The following SFI1 variants were observed in gnomAD, a reference collection of about 807,000 sequenced individuals.
SFI1 encodes SFI1 centrin binding protein.
In SFI1, 195 loss-of-function variants were observed where a neutral mutation model predicts 207.5. That is an observed-to-expected ratio of 0.94 (90% confidence interval 0.84 to 1.06). The LOEUF (loss-of-function observed/expected upper bound fraction) is 1.06, where lower values mean the gene tolerates loss of function less well. Among genes scored for constraint, SFI1 ranks in the 50% least tolerant of loss-of-function variants. The probability of loss-of-function intolerance (pLI) is 0.00; values close to 1 mark genes in which losing one functional copy is unlikely to be tolerated. For missense variants in SFI1, 1,634 were observed against 1,588.0 expected (o/e 1.03, Z -0.49); for synonymous variants, 630 against 598.9 (o/e 1.05, Z -0.76).
At chr22:31,504,725 C>T (rs2054354648) in intron 1 of SFI1, among the ~76,000 whole-genome samples, 1 of 152,160 alleles carries the variant, frequency 6.6e-6, no homozygotes, top group South Asian at 2.1e-4. Context: ...CCATGCCTTT[C>T]TCTTAGCTTC....
At chr22:31,525,099 T>C (rs1466542885) in intron 2 of SFI1, among the ~76,000 whole-genome samples, 2 of 152,174 alleles carry the variant, frequency 1.3e-5, no homozygotes, top group South Asian at 2.1e-4. Flanking sequence ...CAGCCTGTAA[T>C]CTCATTCTAT....
Position 31,611,774 on chromosome 22 carries a change from C to G in SFI1, c.2424C>G (p.His808Gln). ...HLQCVRKRLL[H>Q]RQSTQLLAQR... ...CACTTGCTCTCCCCCAGCTCCTGCA[C>G]AGGCAGAGCACCCAACTGCTGGCAC... Residue 808 changes from histidine (H) to glutamine (Q), a missense_variant, in exon 24 of 33, where the codon CAC (histidine) becomes CAG (glutamine). Transcript: ENST00000400288. 6.2e-7 allele frequency: 1 copy of G among 1,613,486 alleles called. No homozygotes were observed. Among genetic ancestry groups the G allele is most frequent in the Non-Finnish European group, 8.5e-7 (1 of 1,179,950 alleles).
chr22:31,538,921 C>T (rs1004273880), intron 4 of SFI1, among the ~76,000 whole-genome samples: 3 of 152,148 alleles, frequency 2.0e-5, no homozygotes, highest in Non-Finnish European at 2.9e-5. Flanking sequence ...TGCCTTGAAA[C>T]TCTGGACTTT....
At chr22:31,580,915 T>G (rs1464463336) in intron 12 of SFI1, among the ~76,000 whole-genome samples, 2 of 152,208 alleles carry the variant, frequency 1.3e-5, no homozygotes, top group Non-Finnish European at 2.9e-5. Flanking sequence ...TTTTTTTATC[T>G]ATTTGCCAAG....
chr22:31,576,598 G>A (rs989700763), intron 10 of SFI1, among the ~76,000 whole-genome samples: 21 of 151,932 alleles, frequency 1.4e-4, no homozygotes, highest in Middle Eastern at 3.2e-3. Flanking sequence ...TGGGATTACC[G>A]GCGTGAGCCA....
Position 31,617,082 on chromosome 22 carries a change from AGCCCTGCGAAAC to A in SFI1, c.3512+12_3512+23del. The A allele has an allele frequency of 1.2e-6, 2 of 1,613,818 alleles. No individual in the cohort carries two copies. Among genetic ancestry groups the A allele is most frequent in the Non-Finnish European group, 8.5e-7 (1 of 1,179,928 alleles). ...AGACCACCAAGCAGAACCTCTGGTG[AGCCCTGCGAAAC>A]GCCCTGCAGCCCTGGCTACAGGAGC... is the stretch of plus-strand genomic sequence containing the variant. On this transcript the variant is annotated splice_donor_5th_base_variant and intron_variant, in intron 31 of 32. Transcript: ENST00000400288.
intron 4 of SFI1, among the ~76,000 whole-genome samples, chr22:31,536,941 G>A (rs1026950419): frequency 6.6e-6 from 1 of 151,242 alleles, no homozygotes; most frequent in Non-Finnish European, 1.5e-5. Flanking sequence ...TTAGAGACAG[G>A]GTCTCACTAT....
At chr22:31,526,346 C>T (rs543394764) in intron 2 of SFI1, among the ~76,000 whole-genome samples, 3 of 152,142 alleles carry the variant, frequency 2.0e-5, no homozygotes, top group South Asian at 2.1e-4. Flanking sequence ...TTTCACATGG[C>T]GGCAGGAAAG....
At chr22:31,502,648 AC>A (rs2053986996) in intron 1 of SFI1, among the ~76,000 whole-genome samples, 1 of 152,134 alleles carries the variant, frequency 6.6e-6, no homozygotes, top group African/African-American at 2.4e-5. Context: ...TCGTGGGATT[AC>A]AGGCGTGAGC....
intron 6 of SFI1, 91 bp from the exon 7 acceptor site, chr22:31,556,851 G>C: frequency 1.3e-6 from 1 of 782,944 alleles, no homozygotes; most frequent in Non-Finnish European, 2.0e-6. Context: ...AGGGATTTAG[G>C]TATTCAAAGG....
chr22:31,497,297 G>C (rs1445329656), intron 1 of SFI1: 26 of 152,202 alleles, frequency 1.7e-4, no homozygotes, highest in Admixed American at 1.7e-3. Context: ...GCCCTGCACC[G>C]AGCAACTATT....
intron 22 of SFI1, 84 bp downstream of exon 22, chr22:31,608,117 G>A: frequency 1.9e-6 from 2 of 1,068,492 alleles, no homozygotes; most frequent in Non-Finnish European, 2.8e-6. Flanking sequence ...GCATAAGTCT[G>A]TCTCCTCCTC....
In SFI1 at chr22:31,606,320, A is replaced by G. The variant is rs1215669280; in HGVS notation, c.2055-8A>G. ...TCATCTGCCTTCCTCGCACCCATGC[A>G]TCTGCAGCGGGGCATTACGTCGCTG... On this transcript the variant is annotated splice_region_variant and splice_polypyrimidine_tract_variant and intron_variant, in intron 20 of 32. Transcript: ENST00000400288. The G allele has an allele frequency of 1.9e-6, 3 of 1,612,696 alleles. No individual in the cohort carries two copies. In the African/African-American group the frequency reaches 4.0e-5, roughly 22 times the overall value.
chr22:31,613,008 G>A (rs2070645786), intron 24 of SFI1, 134 bp from the exon 25 acceptor site: 2 of 838,710 alleles, frequency 2.4e-6, no homozygotes, highest in Non-Finnish European at 1.9e-6. Flanking sequence ...GCACAAGGCT[G>A]GCCCTTCCTA....
At chr22:31,571,224 C>G (rs1052327326) in intron 8 of SFI1, among the ~76,000 whole-genome samples, 1 of 152,176 alleles carries the variant, frequency 6.6e-6, no homozygotes, top group Non-Finnish European at 1.5e-5. Flanking sequence ...TCCCCAACAA[C>G]TTTTTATTAC....
At chr22:31,538,492 C>CATAT in intron 4 of SFI1, 2 of 153,870 alleles carry the variant, frequency 1.3e-5, no homozygotes, top group East Asian at 3.8e-4. Flanking sequence ...AAGGTAGCTT[C>CATAT]ATATATGGCT....
chr22:31,587,022 C>T (rs187347519), intron 14 of SFI1, among the ~76,000 whole-genome samples: 451 of 152,206 alleles, frequency 3.0e-3, no homozygotes, highest in African/African-American at 0.011. Flanking sequence ...TGGGTTTCTT[C>T]CTTTTTAAAA....
At chr22:31,575,042 G>C (rs151144906) in intron 9 of SFI1, among the ~76,000 whole-genome samples, 189 bp from the exon 10 acceptor site, 3 of 149,518 alleles carry the variant, frequency 2.0e-5, no homozygotes, top group East Asian at 3.9e-4. Flanking sequence ...CTGGGCAACA[G>C]AGCGAGACTC....
intron 6 of SFI1, 121 bp from the exon 7 acceptor site, chr22:31,556,821 A>G: frequency 3.4e-6 from 2 of 587,540 alleles, no homozygotes; most frequent in Non-Finnish European, 5.9e-6. Context: ...CTTTTCCAGC[A>G]GGGGTCACTT....
Sources: allele counts gnomAD v4.1 joint callset (sites outside exome capture counted in the v4.1 genomes callset), GRCh38; gene constraint gnomAD v4.1.1; transcripts MANE v1.5; gene names NCBI Gene and HGNC (gene_info 2026-07-23, HGNC 2026-07-21).